SOX5: variants seen among roughly 807,000 people sequenced by gnomAD.
The protein encoded by SOX5 is transcription factor SOX-5.
SOX5 carries 9 observed loss-of-function variants against 92.0 expected under a neutral mutation model. The observed-to-expected ratio is 0.10, with a 90% CI of 0.06 to 0.17. The LOEUF (loss-of-function observed/expected upper bound fraction) is 0.17. Among genes scored for constraint, SOX5 ranks in the 10% least tolerant of loss-of-function variants. The pLI is 1.00. For missense variants in SOX5, 642 were observed against 944.5 expected (o/e 0.68, Z 4.20); for synonymous variants, 344 against 336.3 (o/e 1.02, Z -0.25).
intron 9 of SOX5, among the ~76,000 whole-genome samples, chr12:23,595,337 T>C (rs748119387): frequency 1.5e-4 from 23 of 151,700 alleles, no homozygotes; most frequent in Non-Finnish European, 3.2e-4. Flanking sequence ...AAAAAAAAAT[T>C]GTGGGCCGGA....
chr12:24,149,540 G>A (rs868623777), intron 4 of SOX5, among the ~76,000 whole-genome samples: 45 of 152,076 alleles, frequency 3.0e-4, no homozygotes, highest in African/African-American at 1.1e-3. Flanking sequence ...AAAAAGACCA[G>A]CCACATCAAG....
Position 23,529,981 on chromosome 12 carries a change from G to A in SOX5, c.*4238C>T, listed in dbSNP as rs1227376292. The A allele has an allele frequency of 6.6e-6, 1 of 151,466 alleles. No individual in the cohort carries two copies. The highest frequency in any genetic ancestry group is 1.5e-5 in the Non-Finnish European group (1 of 68,034). 9.4% of individuals were successfully genotyped at this position (151,466 alleles called of 1,614,324 possible). A position where few individuals can be genotyped will look rare whatever the true frequency, so the allele number is the denominator to read the frequency against. ...GTGAACCAGTGACGGAAACACTGGG[G>A]AGGACAGGAATCAATCAATCAGTAG... On this transcript the variant is annotated 3_prime_UTR_variant, in exon 15 of 15. Transcript: ENST00000451604.
chr12:23,615,147 T>G (rs2076403331), intron 8 of SOX5, among the ~76,000 whole-genome samples: 2 of 152,122 alleles, frequency 1.3e-5, no homozygotes, highest in Non-Finnish European at 2.9e-5. Context: ...ATTATAACTA[T>G]TTTGGCAGGT....
At chr12:24,550,851 T>C (rs994548854) in intron 1 of SOX5, among the ~76,000 whole-genome samples, 7 of 152,246 alleles carry the variant, frequency 4.6e-5, no homozygotes, top group African/African-American at 1.4e-4. Context: ...ATGCAGGGCT[T>C]GAGCCATGAG....
chr12:23,554,145 C>T (rs1468212718), intron 11 of SOX5, among the ~76,000 whole-genome samples: 6 of 151,910 alleles, frequency 3.9e-5, no homozygotes, highest in South Asian at 4.1e-4. Context: ...GCTGAAACTT[C>T]GTCACTTGTT....
intron 1 of SOX5, among the ~76,000 whole-genome samples, chr12:23,941,938 TA>T (rs11315586): frequency 0.43 from 59,709 of 138,070 alleles, 12,196 homozygotes; most frequent in Non-Finnish European, 0.48. Flanking sequence ...CACTAGCTAA[TA>T]AAAAAAAAAA....
chr12:24,143,928 G>C (rs939329093), intron 4 of SOX5, among the ~76,000 whole-genome samples: 1 of 151,822 alleles, frequency 6.6e-6, no homozygotes, highest in South Asian at 2.1e-4. Flanking sequence ...TGACTATATT[G>C]CTAAACAATT....
chr12:23,812,112 T>A (rs1156301706), intron 3 of SOX5, among the ~76,000 whole-genome samples: 1 of 152,112 alleles, frequency 6.6e-6, no homozygotes, highest in East Asian at 1.9e-4. Context: ...ATCATTGCAT[T>A]TCATGAAATG....
chr12:24,303,126 C>T (rs1169681523), intron 2 of SOX5, among the ~76,000 whole-genome samples: 1 of 152,086 alleles, frequency 6.6e-6, no homozygotes, highest in African/African-American at 2.4e-5. Context: ...ACTTTCAGCA[C>T]AACACAAATA....
At chr12:24,170,362 C>T (rs1010731151) in intron 4 of SOX5, among the ~76,000 whole-genome samples, 1 of 152,108 alleles carries the variant, frequency 6.6e-6, no homozygotes, top group Non-Finnish European at 1.5e-5. Flanking sequence ...ACAAACCAGG[C>T]GCCATGCTTG....
chr12:23,840,362 T>C (rs1375188835), intron 3 of SOX5, among the ~76,000 whole-genome samples: 1 of 152,164 alleles, frequency 6.6e-6, no homozygotes. Flanking sequence ...AGACATTTTA[T>C]GTTCATGAAT....
At chr12:24,067,955 G>A (rs1464641009) in intron 4 of SOX5, among the ~76,000 whole-genome samples, 2 of 152,142 alleles carry the variant, frequency 1.3e-5, no homozygotes, top group Non-Finnish European at 2.9e-5. Context: ...GAGCAGCCTG[G>A]ACAACACGGT....
At chr12:24,344,963 TC>T (rs1276848900) in intron 2 of SOX5, among the ~76,000 whole-genome samples, 5 of 152,160 alleles carry the variant, frequency 3.3e-5, no homozygotes, top group Admixed American at 2.0e-4. Context: ...CACATGAAAG[TC>T]TTTTAAGGAT....
chr12:24,515,554 A>G (rs1259258685), intron 1 of SOX5, among the ~76,000 whole-genome samples: 1 of 152,206 alleles, frequency 6.6e-6, no homozygotes, highest in African/African-American at 2.4e-5. Context: ...AAATGGGATT[A>G]TCCCAGTATA....
At chr12:24,226,995 T>C (rs1352282999) in intron 3 of SOX5, among the ~76,000 whole-genome samples, 2 of 152,184 alleles carry the variant, frequency 1.3e-5, no homozygotes, top group Non-Finnish European at 2.9e-5. Flanking sequence ...TAGCAAGAGC[T>C]TTTTCCTACT....
upstream of SOX5, among the ~76,000 whole-genome samples, chr12:23,952,033 G>A (rs911353454): frequency 8.5e-5 from 13 of 152,098 alleles, no homozygotes; most frequent in Admixed American, 7.9e-4. Flanking sequence ...TTTGTTAATG[G>A]TTGTTATGAG....
At chr12:24,114,573 C>CAAAA (rs55913110) in intron 4 of SOX5, among the ~76,000 whole-genome samples, 923 of 40,576 alleles carry the variant, frequency 0.023, 119 homozygotes, top group East Asian at 0.075. Context: ...CACCCCGTCA[C>CAAAA]AAAAAAAAAA....
At chr12:23,799,682 T>C (rs545639301) in intron 3 of SOX5, among the ~76,000 whole-genome samples, 20 of 152,064 alleles carry the variant, frequency 1.3e-4, no homozygotes, top group Non-Finnish European at 2.6e-4. Context: ...CAACTAATAC[T>C]TTTTTGCCTC....
chr12:23,762,491 C>T (rs913482705), intron 3 of SOX5: 6 of 431,912 alleles, frequency 1.4e-5, no homozygotes, highest in Non-Finnish European at 2.0e-5. Context: ...TTTAGATAAG[C>T]TTTATTTTTA....
Sources: gnomAD v4.1 joint callset for allele counts (sites outside exome capture counted in the v4.1 genomes callset) on GRCh38, gnomAD v4.1.1 for gene constraint, MANE v1.5 for transcripts, NCBI Gene and HGNC (gene_info 2026-07-23, HGNC 2026-07-21) for gene names.